The following NRXN1 variants were observed in gnomAD, a reference collection of about 807,000 sequenced individuals.
NRXN1 encodes neurexin-1.
In NRXN1, 39 loss-of-function variants were observed where a neutral mutation model predicts 150.9. The ratio of observed to expected loss-of-function variants is 0.26; its 90% CI spans 0.20 to 0.34. NRXN1 has a LOEUF of 0.34. NRXN1 is among the 10% of genes least tolerant of loss of function. NRXN1 has a pLI of 1.00. For synonymous variants in NRXN1, 924 were observed against 757.0 expected, an observed-to-expected ratio of 1.22 and a Z score of -3.62; for missense variants, 1,815 against 1,949.9, an observed-to-expected ratio of 0.93 and a Z score of 1.30.
At chr2:50,614,460 C>T (rs1573795369) in intron 8 of NRXN1, among the ~76,000 whole-genome samples, 1 of 151,752 alleles carries the variant, frequency 6.6e-6, no homozygotes, top group East Asian at 1.9e-4. Flanking sequence ...TACTCTATTC[C>T]TCTCTGAGCA....
intron 17 of NRXN1, among the ~76,000 whole-genome samples, chr2:50,251,391 A>G (rs2067062258): frequency 6.6e-6 from 1 of 152,112 alleles, no homozygotes; most frequent in South Asian, 2.1e-4. Context: ...ATAGTATTCC[A>G]TAGTGTAATG....
At chr2:50,202,399 G>C (rs1456051265) in intron 18 of NRXN1, among the ~76,000 whole-genome samples, 1 of 151,998 alleles carries the variant, frequency 6.6e-6, no homozygotes, top group Non-Finnish European at 1.5e-5. Flanking sequence ...CCAGCTACTC[G>C]GGAGACTAAG....
chr2:51,018,705 G>A (rs1669124414), intron 2 of NRXN1, among the ~76,000 whole-genome samples: 1 of 152,022 alleles, frequency 6.6e-6, no homozygotes, highest in South Asian at 2.1e-4. Context: ...CTTTATATTT[G>A]TGCTGACTCA....
At chr2:49,956,279 G>A (rs1052413469) in intron 21 of NRXN1, among the ~76,000 whole-genome samples, 2 of 152,088 alleles carry the variant, frequency 1.3e-5, no homozygotes, top group Non-Finnish European at 2.9e-5. Flanking sequence ...GTTTCCAAAT[G>A]CAAGGGATTG....
intron 9 of NRXN1, among the ~76,000 whole-genome samples, chr2:50,545,193 A>C (rs1007172945): frequency 2.0e-5 from 3 of 152,180 alleles, no homozygotes; most frequent in African/African-American, 7.2e-5. Context: ...GTGTTCACCA[A>C]AAGTATGTAT....
At chr2:50,212,309 A>C (rs1282584754) in intron 18 of NRXN1, among the ~76,000 whole-genome samples, 3 of 151,556 alleles carry the variant, frequency 2.0e-5, no homozygotes, top group Non-Finnish European at 4.4e-5. Flanking sequence ...CAAAAAAAAA[A>C]AAAAAATGGG....
At chr2:50,044,390 G>C (rs1691482759) in intron 21 of NRXN1, among the ~76,000 whole-genome samples, 1 of 152,108 alleles carries the variant, frequency 6.6e-6, no homozygotes, top group African/African-American at 2.4e-5. Context: ...AGACTTGATG[G>C]TAATGTCTAT....
At chr2:50,571,827 G>A (rs1219354761) in intron 8 of NRXN1, among the ~76,000 whole-genome samples, 3 of 151,990 alleles carry the variant, frequency 2.0e-5, no homozygotes, top group African/African-American at 7.2e-5. Flanking sequence ...TAGAAAAAGG[G>A]AAAAACAAAA....
At chr2:50,608,663 C>G (rs1677532738) in intron 8 of NRXN1, among the ~76,000 whole-genome samples, 1 of 152,006 alleles carries the variant, frequency 6.6e-6, no homozygotes, top group Non-Finnish European at 1.5e-5. Flanking sequence ...TGGTTTCAAT[C>G]CTTGATGATC....
intron 17 of NRXN1, among the ~76,000 whole-genome samples, chr2:50,333,862 TAAATATCTGCATATTGTG>T (rs1280567444): frequency 6.6e-6 from 1 of 152,094 alleles, no homozygotes; most frequent in Non-Finnish European, 1.5e-5. Context: ...GGTAATAACC[TAAATATCTGCATATTGTG>T]AATGAGGAGG....
At chr2:50,024,584 C>T (rs1420813421) in intron 21 of NRXN1, among the ~76,000 whole-genome samples, 1 of 151,944 alleles carries the variant, frequency 6.6e-6, no homozygotes, top group African/African-American at 2.4e-5. Context: ...AGGTTTTAGT[C>T]CCATTTCTGC....
At chr2:50,384,498 T>G (rs1408023695) in intron 17 of NRXN1, among the ~76,000 whole-genome samples, 1 of 90,578 alleles carries the variant, frequency 1.1e-5, no homozygotes, top group African/African-American at 4.8e-5. Flanking sequence ...AGAGCAAGAC[T>G]CCATCTCAAA....
chr2:50,055,026 C>A lies in NRXN1; in HGVS notation c.3737G>T (p.Arg1246Leu). The A allele has an allele frequency of 1.3e-6, 2 of 1,598,204 alleles. No individual in the cohort carries two copies. The highest frequency in any genetic ancestry group is 1.7e-6 in the Non-Finnish European group (2 of 1,173,676). ...RYPAGNNDNE[R>L]LAIARQRIPY... ...AATTCGCTGTCTAGCAATCGCCAGG[C>A]GCTCGTTATCATTGTTTCCTTTAAA... Residue 1246 changes from arginine to leucine, a missense_variant, in exon 20 of 23, where the codon CGC (arginine) becomes CTC (leucine). This residue lies in a region of NRXN1 where 339 missense variants were observed against 440.3 expected (regional missense o/e 0.77). Transcript: ENST00000401669.
chr2:51,022,590 C>G (rs1197807890), intron 2 of NRXN1, among the ~76,000 whole-genome samples: 1 of 152,068 alleles, frequency 6.6e-6, no homozygotes, highest in East Asian at 1.9e-4. Context: ...TCCTCTAGAT[C>G]AAAACTATTG....
intron 2 of NRXN1, among the ~76,000 whole-genome samples, chr2:50,935,407 G>A (rs1160102566): frequency 2.0e-5 from 3 of 152,054 alleles, no homozygotes; most frequent in African/African-American, 4.8e-5. Flanking sequence ...CCAATGAGAA[G>A]GCAAATAAAA....
rs561759766 is a variant in NRXN1 at position 50,479,088 on chromosome 2, A to G, written c.3071-6617T>C. 2.0e-5 allele frequency among the ~76,000 whole-genome samples: 3 copies of G among 152,348 alleles called. No individual in the cohort carries two copies. The South Asian group carries it at 6.2e-4, about 32-fold the overall frequency. On this transcript the variant is annotated intron_variant, in intron 15 of 22. Transcript: ENST00000401669. ...ATCATCTAAATTAAGTCTAAGGCTC[A>G]GCAGTGATCAAGATTTTGAATTACT... is the stretch of plus-strand genomic sequence containing the variant.
chr2:50,319,041 T>C, intron 17 of NRXN1, among the ~76,000 whole-genome samples: 1 of 152,126 alleles, frequency 6.6e-6, no homozygotes, highest in Admixed American at 6.6e-5. Context: ...GCTTTTCTTT[T>C]AAACTAAATG....
Position 50,507,296 on chromosome 2 carries a change from T to C in NRXN1, c.2375-679A>G, listed in dbSNP as rs147408814. Among the ~76,000 whole-genome samples, 421 of 151,960 alleles carry C rather than the reference T, an allele frequency of 2.8e-3. 1 individual carries two copies. Among genetic ancestry groups the C allele is most frequent in the African/African-American group, 9.3e-3 (386 of 41,452 alleles). ...AATTGACCTGTACGTCACAAATCTG[T>C]CTGTGTGTGGCAGAGGCACTTCTGG... On this transcript the variant is annotated intron_variant, in intron 12 of 22. Transcript: ENST00000401669.
At chr2:50,823,804 GA>G (rs1178444161) in intron 5 of NRXN1, among the ~76,000 whole-genome samples, 2 of 152,106 alleles carry the variant, frequency 1.3e-5, no homozygotes, top group Non-Finnish European at 2.9e-5. Context: ...CAATGTTAAA[GA>G]ATCAAACAGA....
Sources: gnomAD v4.1 joint callset for allele counts (sites outside exome capture counted in the v4.1 genomes callset) on GRCh38, gnomAD v4.1.1 for gene constraint, gnomAD v4.1.1 regional missense constraint, MANE v1.5 for transcripts, NCBI Gene and HGNC (gene_info 2026-07-23, HGNC 2026-07-21) for gene names.